The following COL4A2 variants were observed in gnomAD, a reference collection of about 807,000 sequenced individuals.
The protein encoded by COL4A2 is collagen alpha-2(IV) chain.
In COL4A2, 99 loss-of-function variants were observed where a neutral mutation model predicts 200.2. The ratio of observed to expected loss-of-function variants is 0.49; its 90% CI spans 0.42 to 0.58. The LOEUF (loss-of-function observed/expected upper bound fraction) is 0.58. Ranked by LOEUF, COL4A2 falls within the 20% of genes least tolerant of loss-of-function variation. COL4A2 has a pLI of 0.00. For synonymous variants in COL4A2, 897 were observed against 900.6 expected (o/e 1.00, Z 0.07); for missense variants, 1,950 against 2,314.1 (o/e 0.84, Z 3.23).
intron 47 of COL4A2, among the ~76,000 whole-genome samples, chr13:110,510,550 G>A (rs893587400): frequency 5.3e-5 from 8 of 152,264 alleles, no homozygotes; most frequent in African/African-American, 1.7e-4. Flanking sequence ...ATTGGAAAGG[G>A]TGCGTGTGCC....
At chr13:110,509,258 TATATATATATATACAC>T (rs959258943) in intron 47 of COL4A2, among the ~76,000 whole-genome samples, 7 of 119,052 alleles carry the variant, frequency 5.9e-5, no homozygotes, top group Admixed American at 2.7e-4. Flanking sequence ...TATATATATA[TATATATATATATACAC>T]ACACACACAC....
chr13:110,474,718 C>T (rs1213826878), intron 29 of COL4A2, among the ~76,000 whole-genome samples: 2 of 108,936 alleles, frequency 1.8e-5, no homozygotes, highest in East Asian at 6.0e-4. Context: ...CTCACATGAT[C>T]ACACACGCAC....
At chr13:110,472,457 G>C (rs923085947) in intron 28 of COL4A2, among the ~76,000 whole-genome samples, 1 of 152,078 alleles carries the variant, frequency 6.6e-6, no homozygotes, top group Non-Finnish European at 1.5e-5. Context: ...TTTCCCAACC[G>C]ACAGTGACGG....
intron 3 of COL4A2, among the ~76,000 whole-genome samples, chr13:110,343,329 G>T (rs1006136274): frequency 7.9e-5 from 12 of 152,150 alleles, no homozygotes; most frequent in Non-Finnish European, 1.3e-4. Flanking sequence ...AGGAGTAGGC[G>T]TCTGCTGTGA....
chr13:110,317,357 C>T (rs1005407402), intron 3 of COL4A2, among the ~76,000 whole-genome samples: 2 of 152,018 alleles, frequency 1.3e-5, no homozygotes, highest in African/African-American at 4.8e-5. Context: ...CACAGAAACA[C>T]ATGTACACAC....
Position 110,504,244 on chromosome 13 carries a change from AG to A in COL4A2, c.4386del (p.Pro1463ArgfsTer31). On this transcript the variant is annotated frameshift_variant, in exon 45 of 48. Transcript: ENST00000360467. LOFTEE classifies it high-confidence loss of function. ...GGAGATGAAGGACCCATAGGCCACCAGGGGCCGATTGGCCAAGAAGGTGAGT... is the reference window on the plus strand; with the variant it reads ...GGAGATGAAGGACCCATAGGCCACCAGGGCCGATTGGCCAAGAAGGTGAGT... ...FRGDEGPIGHQGPIGQEGAPG... is the reference protein window; with the variant it reads ...FRGDEGPIGHXGPIGQEGAPG... 6.2e-7 allele frequency: 1 copy of A among 1,613,896 alleles called. No individual in the cohort carries two copies. Among genetic ancestry groups the A allele is most frequent in the South Asian group, 1.1e-5 (1 of 91,090 alleles).
intron 3 of COL4A2, among the ~76,000 whole-genome samples, chr13:110,318,510 CA>C: frequency 6.6e-6 from 1 of 152,276 alleles, no homozygotes; most frequent in Admixed American, 6.5e-5. Flanking sequence ...TAAGAGCCCC[CA>C]CTCACCCTGC....
At chr13:110,333,736 A>G (rs1473185220) in intron 3 of COL4A2, among the ~76,000 whole-genome samples, 2 of 152,092 alleles carry the variant, frequency 1.3e-5, no homozygotes, top group South Asian at 2.1e-4. Flanking sequence ...ACTCGTTGCC[A>G]TATTTCTGTG....
intron 4 of COL4A2, among the ~76,000 whole-genome samples, chr13:110,413,474 A>G (rs1315341618): frequency 6.6e-6 from 1 of 152,198 alleles, no homozygotes; most frequent in African/African-American, 2.4e-5. Context: ...AGATGCCCCC[A>G]GAGAGCCCAT....
chr13:110,330,407 C>T (rs936565028), intron 3 of COL4A2, among the ~76,000 whole-genome samples: 2 of 149,560 alleles, frequency 1.3e-5, no homozygotes, highest in African/African-American at 2.5e-5. Flanking sequence ...GGGGTGGAGG[C>T]GGGGGGGCAG....
chr13:110,410,407 A>C (rs371876729), intron 4 of COL4A2, among the ~76,000 whole-genome samples: 8 of 152,308 alleles, frequency 5.3e-5, no homozygotes, highest in African/African-American at 1.4e-4. Context: ...AACAAACATA[A>C]TTCTGATCAC....
chr13:110,508,128 G>GGCCATC lies in COL4A2; in HGVS notation c.4797_4802dup (p.Ile1600_Ala1601dup). The GGCCATC allele has an allele frequency of 6.2e-7, 1 of 1,614,226 alleles. No homozygotes were observed. The highest frequency in any genetic ancestry group is 8.5e-7 in the Non-Finnish European group (1 of 1,180,028). On this transcript the variant is annotated inframe_insertion, in exon 47 of 48. Coordinates refer to ENST00000360467, the MANE Select transcript of COL4A2 (RefSeq NM_001846.4). This position sits in a 1 kb window ranked among gnomAD's most constrained non-coding sequence, Gnocchi z 6.1. ...GCCGCTGTTCTGTGTGTGAGGCCCC[G>GGCCATC]GCCATCGCCATCGCGGTCCACAGTC...
At chr13:110,457,948 T>C (rs1881841406) in intron 21 of COL4A2, 1 of 392,430 alleles carries the variant, frequency 2.5e-6, no homozygotes, top group South Asian at 1.9e-5. Context: ...TCTTTGCACC[T>C]GACCCTTTCC....
chr13:110,411,144 G>A (rs562989441), intron 4 of COL4A2, among the ~76,000 whole-genome samples: 16 of 152,196 alleles, frequency 1.1e-4, no homozygotes, highest in African/African-American at 2.6e-4. Flanking sequence ...TCTCAGCCAC[G>A]ACAGCCTTCT....
chr13:110,436,549 A>G (rs776804454), intron 13 of COL4A2, among the ~76,000 whole-genome samples, 182 bp downstream of exon 13: 4 of 151,646 alleles, frequency 2.6e-5, no homozygotes, highest in Non-Finnish European at 5.9e-5. Flanking sequence ...GACGGTTACT[A>G]GATTCACAGT....
chr13:110,491,623 G>A (rs1883286862), intron 37 of COL4A2, among the ~76,000 whole-genome samples: 1 of 152,128 alleles, frequency 6.6e-6, no homozygotes, highest in African/African-American at 2.4e-5. Context: ...GGTTTGTAAG[G>A]GATCCCTTTG....
chr13:110,369,719 C>T (rs989123700), intron 4 of COL4A2, among the ~76,000 whole-genome samples: 1 of 152,104 alleles, frequency 6.6e-6, no homozygotes, highest in Non-Finnish European at 1.5e-5. Context: ...CCCGCCTCAG[C>T]TTACAAATAC....
intron 3 of COL4A2, among the ~76,000 whole-genome samples, chr13:110,345,666 G>A (rs1291543185): frequency 2.6e-5 from 4 of 152,124 alleles, no homozygotes; most frequent in African/African-American, 7.2e-5. Flanking sequence ...GCTAAGTACC[G>A]ACCTAGACAG....
Position 110,480,473 on chromosome 13 carries a change from G to A in COL4A2, c.2758+83G>A, listed in dbSNP as rs1475438. The A allele has an allele frequency of 0.68, 964,105 of 1,412,166 alleles. 331,342 individuals carry two copies. The highest frequency in any genetic ancestry group is 0.87 in the East Asian group (34,986 of 40,098). 87.5% of individuals were successfully genotyped at this position (1,412,166 alleles called of 1,614,324 possible). A position where few individuals can be genotyped will look rare whatever the true frequency, so the allele number is the denominator to read the frequency against. Reference sequence around the variant, plus strand: ...CTGACCTGAGACAGCTCTGCTGGGCGCCTCTGTGGGCCGTGGGGCTGGCCT... The same window carrying A: ...CTGACCTGAGACAGCTCTGCTGGGCACCTCTGTGGGCCGTGGGGCTGGCCT... On this transcript the variant is annotated intron_variant, in intron 31 of 47. Transcript: ENST00000360467.
Sources: allele counts gnomAD v4.1 joint callset (sites outside exome capture counted in the v4.1 genomes callset), GRCh38; gene constraint gnomAD v4.1.1; non-coding constraint Gnocchi (gnomAD v3.1); transcripts MANE v1.5; gene names NCBI Gene and HGNC (gene_info 2026-07-23, HGNC 2026-07-21).